Variants in CRYM observed in about 807,000 individuals in gnomAD.
CRYM encodes the protein crystallin mu.
Under a neutral mutation model 32.9 loss-of-function variants are expected in CRYM, and 18 were observed. The observed-to-expected ratio is 0.55, with a 90% CI of 0.38 to 0.81. The LOEUF is 0.81. Among genes scored for constraint, CRYM ranks in the 30% least tolerant of loss-of-function variants. The pLI is 0.00. For missense variants in CRYM, 337 were observed against 393.5 expected (o/e 0.86, Z 1.21); for synonymous variants, 153 against 152.4 (o/e 1.00, Z -0.03).
At position 21,262,088 on chromosome 16, in the gene CRYM, C is replaced by T; in HGVS notation, c.744G>A (p.Val248=). 1 of 1,614,140 alleles carries T rather than the reference C, an allele frequency of 6.2e-7. No individual in the cohort carries two copies. The stretch of plus-strand genomic sequence containing the variant: ...CCTTCAGGGCAGCCTCCTGGGAATC[C>T]ACGTACAGCACAGCTTCTTTCATGA... ...DELMKEAVLY[V]DSQEAALKES... The change falls in exon 6 of 8, where the codon GTG becomes GTA. Residue 248 remains valine (V), a synonymous_variant. Coordinates refer to ENST00000572914, the MANE Select transcript of CRYM (RefSeq NM_001376256.1).
At chr16:21,265,519 C>T (rs144150931) in intron 5 of CRYM, among the ~76,000 whole-genome samples, 34 of 152,296 alleles carry the variant, frequency 2.2e-4, no homozygotes, top group Middle Eastern at 3.4e-3. Flanking sequence ...TTAGCCAGAA[C>T]GATCTAGTTC....
intron 7 of CRYM, among the ~76,000 whole-genome samples, chr16:21,259,072 A>G (rs2093349584): frequency 6.6e-6 from 1 of 151,972 alleles, no homozygotes; most frequent in African/African-American, 2.4e-5. Flanking sequence ...TTCTAAATCT[A>G]GCTCAGGGCT....
upstream of CRYM, among the ~76,000 whole-genome samples, chr16:21,279,173 T>C (rs1043758221): frequency 4.6e-5 from 7 of 152,216 alleles, no homozygotes; most frequent in African/African-American, 7.2e-5. Context: ...CATCAGGTTA[T>C]TGATCTTTAC....
chr16:21,284,389 A>G (rs2093404043), intron 1 of CRYM, among the ~76,000 whole-genome samples: 1 of 152,200 alleles, frequency 6.6e-6, no homozygotes, highest in East Asian at 1.9e-4. Context: ...CTTTTAGTAT[A>G]TTCACGATGT....
Position 21,273,501 on chromosome 16 carries a change from C to T in CRYM, c.387+2031G>A, listed in dbSNP as rs59617055. On this transcript the variant is annotated intron_variant, in intron 3 of 7. Coordinates refer to ENST00000572914, the MANE Select transcript of CRYM (RefSeq NM_001376256.1). ...GCAGTGTTATTGCAGGCTGGGTCTA[C>T]AAAAGTGTGGTTTCCAGACCTGGTT... is the stretch of plus-strand genomic sequence containing the variant. Among the ~76,000 whole-genome samples, 235 of 152,256 alleles carry T rather than the reference C, an allele frequency of 1.5e-3. 2 individuals are homozygous for T. The highest frequency in any genetic ancestry group is 5.5e-3 in the African/African-American group (229 of 41,550).
At chr16:21,292,446 C>A (rs1350114146) in intron 1 of CRYM, among the ~76,000 whole-genome samples, 1 of 152,050 alleles carries the variant, frequency 6.6e-6, no homozygotes, top group Non-Finnish European at 1.5e-5. Context: ...GAGAAATATA[C>A]CTTATTCATG....
chr16:21,269,153 A>G (rs1490691815), intron 4 of CRYM, among the ~76,000 whole-genome samples: 1 of 151,760 alleles, frequency 6.6e-6, no homozygotes, highest in African/African-American at 2.4e-5. Context: ...CAAAAAAAAA[A>G]AAAAAAAAAA....
Position 21,261,308 on chromosome 16 carries a change from T to TCA in CRYM, c.824_825dup (p.Ile276Ter), listed in dbSNP as rs1323290501. On this transcript the variant is annotated frameshift_variant, in exon 7 of 8. Coordinates refer to ENST00000572914, the MANE Select transcript of CRYM (RefSeq NM_001376256.1). LOFTEE classifies it high-confidence loss of function. ...CAGTGGGCTGGTTTCACTCCCTTAA[T>TCA]CACTTCTCCCAGCTCAGCAAAGATC... The TCA allele has an allele frequency of 1.2e-6, 2 of 1,614,058 alleles. No homozygotes were observed. Among genetic ancestry groups the TCA allele is most frequent in the South Asian group, 2.2e-5 (2 of 91,064 alleles).
At chr16:21,295,324 G>A (rs1316349381) in intron 1 of CRYM, among the ~76,000 whole-genome samples, 2 of 152,170 alleles carry the variant, frequency 1.3e-5, no homozygotes, top group Admixed American at 6.5e-5. Flanking sequence ...CCACAGCCTT[G>A]CCAGCATCTG....
intron 1 of CRYM, among the ~76,000 whole-genome samples, chr16:21,293,324 C>T (rs557439474): frequency 6.6e-6 from 1 of 152,214 alleles, no homozygotes; most frequent in East Asian, 1.9e-4. Flanking sequence ...TTTGGATGCA[C>T]CAAGGGAAAA....
At chr16:21,290,391 G>C (rs1207187736) in intron 1 of CRYM, among the ~76,000 whole-genome samples, 1 of 151,960 alleles carries the variant, frequency 6.6e-6, no homozygotes, top group African/African-American at 2.4e-5. Flanking sequence ...TCTCTCCTGA[G>C]GTCAGCAAGA....
intron 1 of CRYM, among the ~76,000 whole-genome samples, chr16:21,291,181 G>A (rs1960645758): frequency 6.6e-6 from 1 of 152,034 alleles, no homozygotes; most frequent in Non-Finnish European, 1.5e-5. Flanking sequence ...ATTGCAGATT[G>A]GAATAATACT....
At chr16:21,278,314 C>G, upstream of CRYM, 1 of 1,531,246 alleles carries the variant, frequency 6.5e-7, no homozygotes, top group Non-Finnish European at 8.8e-7. Flanking sequence ...TCGGCTGTGC[C>G]CTTTATGAGC....
intron 3 of CRYM, among the ~76,000 whole-genome samples, chr16:21,272,059 C>T (rs961474127): frequency 4.1e-5 from 6 of 147,650 alleles, no homozygotes; most frequent in African/African-American, 1.5e-4. Context: ...GATGGGGTTT[C>T]GCCATGTTGG....
chr16:21,278,155 T>G lies in CRYM; in HGVS notation c.97A>C (p.Asn33His). 6.4e-7 allele frequency: 1 copy of G among 1,552,880 alleles called. No individual in the cohort carries two copies. The highest frequency in any genetic ancestry group is 8.7e-7 in the Non-Finnish European group (1 of 1,148,538). The part of the protein sequence containing the change: ...LIPPLETALA[N>H]FSSGPEGGVM... Reference sequence around the variant, plus strand: ...CCTCCTTCGGGACCGCTGGAGAAGTTGGCCAGGGCCGTCTCTAGAGGCGGG... The same window carrying G: ...CCTCCTTCGGGACCGCTGGAGAAGTGGGCCAGGGCCGTCTCTAGAGGCGGG... The change falls in exon 1 of 8, where the codon AAC becomes CAC. Residue 33 changes from asparagine (N) to histidine (H), a missense_variant. Transcript: ENST00000572914.
chr16:21,260,474 ATTT>A (rs1393492984), intron 7 of CRYM, among the ~76,000 whole-genome samples: 3 of 152,010 alleles, frequency 2.0e-5, no homozygotes, highest in Admixed American at 2.0e-4. Flanking sequence ...TAATTTTTGT[ATTT>A]TTAGTAGAGA....
chr16:21,278,209 C>T lies in CRYM; in HGVS notation c.43G>A (p.Glu15Lys). 1.9e-6 allele frequency: 3 copies of T among 1,563,660 alleles called. No homozygotes were observed. The highest frequency in any genetic ancestry group is 1.2e-5 in the South Asian group (1 of 85,086). ...AGGAGGCTGGAGCTGCGGAGGTGTTCCTCCACCTCGGCCGCGCTCAGGAAC... is the reference window on the plus strand; with the variant it reads ...AGGAGGCTGGAGCTGCGGAGGTGTTTCTCCACCTCGGCCGCGCTCAGGAAC... Reference protein sequence around the residue: ...PAFLSAAEVEEHLRSSSLLIP... With the variant: ...PAFLSAAEVEKHLRSSSLLIP... The change falls in exon 1 of 8, where the codon GAA (glutamate) becomes AAA (lysine). Residue 15 changes from glutamate (E) to lysine (K), a missense_variant. Coordinates refer to ENST00000572914, the MANE Select transcript of CRYM (RefSeq NM_001376256.1).
At chr16:21,291,562 T>C (rs1309038521) in intron 1 of CRYM, among the ~76,000 whole-genome samples, 1 of 152,158 alleles carries the variant, frequency 6.6e-6, no homozygotes, top group Non-Finnish European at 1.5e-5. Context: ...GCATAATGCA[T>C]TTTCTCTGTG....
chr16:21,299,500 G>A (rs1960856975), intron 1 of CRYM, among the ~76,000 whole-genome samples: 1 of 152,160 alleles, frequency 6.6e-6, no homozygotes, highest in African/African-American at 2.4e-5. Flanking sequence ...AGTAGAGACA[G>A]GGTTTCGCCA....
Sources: gnomAD v4.1 joint callset for allele counts (sites outside exome capture counted in the v4.1 genomes callset) on GRCh38, gnomAD v4.1.1 for gene constraint, MANE v1.5 for transcripts, NCBI Gene and HGNC (gene_info 2026-07-23, HGNC 2026-07-21) for gene names.